PMVK: variants seen among roughly 807,000 people sequenced by gnomAD.
PMVK encodes testis tissue sperm-binding protein Li 95mP.
A neutral mutation model predicts 19.0 loss-of-function variants in PMVK; 10 were observed. That is an observed-to-expected ratio of 0.53 (90% CI 0.32 to 0.89). PMVK has a LOEUF of 0.89. Among genes scored for constraint, PMVK ranks in the 40% least tolerant of loss-of-function variants. The probability of loss-of-function intolerance (pLI) is 0.03; values close to 1 mark genes in which losing one functional copy is unlikely to be tolerated. For synonymous variants in PMVK, 108 were observed against 101.6 expected (o/e 1.06, Z -0.38); for missense variants, 222 against 251.1 (o/e 0.88, Z 0.78).
At chr1:154,931,102 AT>A (rs1237290861) in intron 2 of PMVK, among the ~76,000 whole-genome samples, 1 of 152,184 alleles carries the variant, frequency 6.6e-6, no homozygotes, top group Non-Finnish European at 1.5e-5. Context: ...AGAAAAAAAA[AT>A]AAACCACTTA....
At chr1:154,932,242 T>C in intron 2 of PMVK, 110 bp downstream of exon 2, 1 of 793,252 alleles carries the variant, frequency 1.3e-6, no homozygotes, top group Non-Finnish European at 2.2e-6. Flanking sequence ...GCCACCACCC[T>C]GCCAGCAGTG....
chr1:154,939,978 T>G (rs1654607389), upstream of PMVK, among the ~76,000 whole-genome samples: 1 of 151,846 alleles, frequency 6.6e-6, no homozygotes, highest in South Asian at 2.1e-4. Flanking sequence ...GGTCTTGCTA[T>G]GTTTCCCAGG....
At chr1:154,936,503 C>T in intron 1 of PMVK, 88 bp downstream of exon 1, 2 of 1,530,420 alleles carry the variant, frequency 1.3e-6, no homozygotes, top group Non-Finnish European at 8.8e-7. Flanking sequence ...ACCCGTACTC[C>T]AAAGCTCACT....
At chr1:154,929,835 G>A (rs1269384557) in intron 2 of PMVK, among the ~76,000 whole-genome samples, 1 of 152,056 alleles carries the variant, frequency 6.6e-6, no homozygotes, top group Non-Finnish European at 1.5e-5. Flanking sequence ...GATAGGAGGG[G>A]TCTGAAAAGC....
chr1:154,933,278 A>G (rs1022206241), intron 1 of PMVK, among the ~76,000 whole-genome samples: 7 of 151,662 alleles, frequency 4.6e-5, no homozygotes, highest in Non-Finnish European at 8.8e-5. Flanking sequence ...TACTAAAAGC[A>G]TAAAATTAGC....
intron 4 of PMVK, 24 bp downstream of exon 4, chr1:154,926,330 T>C: frequency 6.2e-7 from 1 of 1,607,250 alleles, no homozygotes. Flanking sequence ...TGTCCTCCTG[T>C]GCCCTACACA....
chr1:154,925,004 C>A lies in PMVK; in HGVS notation c.*125G>T. 4 of 852,412 alleles carry A rather than the reference C, an allele frequency of 4.7e-6. No individual in the cohort carries two copies. The highest frequency in any genetic ancestry group is 2.1e-5 in the Admixed American group (1 of 46,730). The allele number at this position is 852,412 out of a possible 1,614,324, so 52.8% of individuals were successfully genotyped here. A position where few individuals can be genotyped will look rare whatever the true frequency, so the allele number is the denominator to read the frequency against. On this transcript the variant is annotated 3_prime_UTR_variant, in exon 5 of 5. Transcript: ENST00000368467. ...CTGCCTTGCCCAATATCCACCAACC[C>A]CCTCAGAATCTAGACCCCCCCTGTC...
At position 154,933,049 on chromosome 1, in the gene PMVK, C is replaced by T. The variant is rs140148397; in HGVS notation, c.96-634G>A. 5.6e-3 allele frequency among the ~76,000 whole-genome samples: 845 copies of T among 152,246 alleles called. 5 individuals carry two copies. The highest frequency in any genetic ancestry group is 0.012 in the Admixed American group (177 of 15,302). ...TCCTGAGCCCAGGAGTTCCAGGCTA[C>T]AGTGAGCCATGATTGTACCACTGTA... On this transcript the variant is annotated intron_variant, in intron 1 of 4. Coordinates refer to ENST00000368467, the MANE Select transcript of PMVK (RefSeq NM_006556.4).
At chr1:154,937,026 G>A (rs909708444), upstream of PMVK, 1 of 223,000 alleles carries the variant, frequency 4.5e-6, no homozygotes, top group Non-Finnish European at 9.2e-6. Flanking sequence ...GACACCCGGG[G>A]AGGAACCGGA....
chr1:154,926,621 C>T (rs1654173508), intron 3 of PMVK, 138 bp from the exon 4 acceptor site: 2 of 660,256 alleles, frequency 3.0e-6, no homozygotes, highest in Admixed American at 2.7e-5. Flanking sequence ...CAGCTAGACT[C>T]ACTATTCACG....
chr1:154,926,591 C>G lies in PMVK; in HGVS notation c.313-108G>C, dbSNP rs80134592. 2,833 of 861,494 alleles carry G rather than the reference C, an allele frequency of 3.3e-3. 102 individuals are homozygous for G. In the East Asian group the frequency reaches 0.066, roughly 20 times the overall value. 53.4% of individuals were successfully genotyped at this position (861,494 alleles called of 1,614,324 possible). ...AGTGTGGGGTGTGGCTCTACCCCCC[C>G]ATCATCGTGAGCATGTCAGCAGCTA... On this transcript the variant is annotated intron_variant, in intron 3 of 4. Coordinates refer to ENST00000368467, the MANE Select transcript of PMVK (RefSeq NM_006556.4).
At chr1:154,936,251 T>C (rs1189901743) in intron 1 of PMVK, 5 of 298,420 alleles carry the variant, frequency 1.7e-5, no homozygotes, top group Non-Finnish European at 2.5e-5. Flanking sequence ...CCAGCTACTT[T>C]TTGGATTTTT....
intron 1 of PMVK, among the ~76,000 whole-genome samples, chr1:154,935,321 C>T (rs567242322): frequency 6.6e-6 from 1 of 152,188 alleles, no homozygotes; most frequent in East Asian, 1.9e-4. Flanking sequence ...ATAGAACCCC[C>T]GTGGTACCCA....
intron 2 of PMVK, among the ~76,000 whole-genome samples, chr1:154,929,970 C>G (rs971214940): frequency 6.6e-6 from 1 of 152,224 alleles, no homozygotes; most frequent in Admixed American, 6.5e-5. Context: ...GTAGCCACCT[C>G]CTGCTCCTGA....
upstream of PMVK, among the ~76,000 whole-genome samples, chr1:154,939,788 G>C (rs537251991): frequency 1.9e-4 from 29 of 151,814 alleles, no homozygotes; most frequent in African/African-American, 6.3e-4. Flanking sequence ...TTTTGAGACA[G>C]GGTCTCACTC....
At position 154,925,006 on chromosome 1, in the gene PMVK, C is replaced by A; in HGVS notation, c.*123G>T. The A allele has an allele frequency of 1.1e-6, 1 of 925,062 alleles. No homozygotes were observed. The highest frequency in any genetic ancestry group is 1.6e-6 in the Non-Finnish European group (1 of 619,232). 57.3% of individuals were successfully genotyped at this position (925,062 alleles called of 1,614,324 possible). A position where few individuals can be genotyped will look rare whatever the true frequency, so the allele number is the denominator to read the frequency against. On this transcript the variant is annotated 3_prime_UTR_variant, in exon 5 of 5. Coordinates refer to ENST00000368467, the MANE Select transcript of PMVK (RefSeq NM_006556.4). Reference sequence around the variant, plus strand: ...GCCTTGCCCAATATCCACCAACCCCCTCAGAATCTAGACCCCCCCTGTCTG... The same window carrying A: ...GCCTTGCCCAATATCCACCAACCCCATCAGAATCTAGACCCCCCCTGTCTG...
At chr1:154,940,431 AG>A (rs1299316175), upstream of PMVK, among the ~76,000 whole-genome samples, 1 of 152,122 alleles carries the variant, frequency 6.6e-6, no homozygotes, top group African/African-American at 2.4e-5. Context: ...GGGAATGGTG[AG>A]GATTAGTGGC....
chr1:154,930,045 A>T (rs188406270), intron 2 of PMVK, among the ~76,000 whole-genome samples: 1 of 152,276 alleles, frequency 6.6e-6, no homozygotes, highest in Admixed American at 6.5e-5. Flanking sequence ...TGACTTAGGA[A>T]ATCAATGCAT....
chr1:154,925,203 C>T lies in PMVK; in HGVS notation c.505G>A (p.Glu169Lys), dbSNP rs1283900037. Residue 169 changes from glutamate to lysine, a missense_variant, in exon 5 of 5, where the codon GAG becomes AAG. Physicochemically the swap from Glu to Lys is moderately conservative, Grantham distance 56. Coordinates refer to ENST00000368467, the MANE Select transcript of PMVK (RefSeq NM_006556.4). ...DNFGDFDWVI[E>K]NHGVEQRLEE... ...AGGCGCTGTTCAACTCCATGGTTCT[C>T]GATGACCCAGTCAAAGTCCCCGAAG... 1.6e-5 allele frequency: 26 copies of T among 1,613,596 alleles called. No homozygotes were observed. The highest frequency in any genetic ancestry group is 2.7e-5 in the African/African-American group (2 of 74,838).
Sources: gnomAD v4.1 joint callset for allele counts (sites outside exome capture counted in the v4.1 genomes callset) on GRCh38, gnomAD v4.1.1 for gene constraint, MANE v1.5 for transcripts, NCBI Gene and HGNC (gene_info 2026-07-23, HGNC 2026-07-21) for gene names.